Variants in AATF observed in about 807,000 individuals in gnomAD.
The protein encoded by AATF is apoptosis antagonizing transcription factor.
A neutral mutation model predicts 63.7 loss-of-function variants in AATF; 48 were observed. The ratio of observed to expected loss-of-function variants is 0.75; its 90% CI spans 0.60 to 0.96. The LOEUF is 0.96. Ranked by LOEUF, AATF falls within the 40% of genes least tolerant of loss-of-function variation. The pLI is 0.00. For synonymous variants in AATF, 258 were observed against 247.7 expected (o/e 1.04, Z -0.39); for missense variants, 639 against 685.7 (o/e 0.93, Z 0.76).
At chr17:36,956,699 G>A (rs576077380) in intron 4 of AATF, among the ~76,000 whole-genome samples, 5 of 151,940 alleles carry the variant, frequency 3.3e-5, no homozygotes, top group East Asian at 1.9e-4. Context: ...GTTCTTGGCC[G>A]GGCACGGTGG....
chr17:37,010,676 T>C (rs1452095085), intron 8 of AATF, among the ~76,000 whole-genome samples: 1 of 152,102 alleles, frequency 6.6e-6, no homozygotes, highest in Non-Finnish European at 1.5e-5. Context: ...TGAGTGCAGC[T>C]GTGGTTAAGA....
intron 11 of AATF, among the ~76,000 whole-genome samples, chr17:37,036,163 G>T (rs17621163): frequency 6.6e-6 from 1 of 151,998 alleles, no homozygotes; most frequent in African/African-American, 2.4e-5. Flanking sequence ...AGGCACCTCC[G>T]CTTATGGTTC....
At chr17:36,950,100 T>G (rs1287701247) in intron 1 of AATF, 114 bp from the exon 2 acceptor site, 14 of 1,127,664 alleles carry the variant, frequency 1.2e-5, no homozygotes, top group Non-Finnish European at 1.8e-5. Flanking sequence ...TCCTGGAAGT[T>G]GGTGGGGATT....
chr17:36,968,520 C>A lies in AATF; in HGVS notation c.832+14613C>A, dbSNP rs375600391. On this transcript the variant is annotated intron_variant, in intron 4 of 11. Transcript: ENST00000619387. ...TAAATTCCTGAGCTTAGGTGATCTA[C>A]CTGCCTTGACTTCTCAAAGCACTGG... Among the ~76,000 whole-genome samples the A allele has an allele frequency of 4.0e-5, 6 of 151,610 alleles. No individual in the cohort carries two copies. The East Asian group carries it at 9.7e-4, about 24-fold the overall frequency.
At chr17:36,957,007 T>G (rs2142207013) in intron 4 of AATF, among the ~76,000 whole-genome samples, 1 of 151,270 alleles carries the variant, frequency 6.6e-6, no homozygotes, top group African/African-American at 2.4e-5. Context: ...AGAGAGAAAA[T>G]TCTTGAGCAC....
At position 36,988,537 on chromosome 17, in the gene AATF, A is replaced by T. The variant is rs2071186650; in HGVS notation, c.966A>T (p.Glu322Asp). ...PNAGSEEISSEDDELVEEKKQ... is the reference protein window; with the variant it reads ...PNAGSEEISSDDDELVEEKKQ... Reference sequence around the variant, plus strand: ...TTTCTAGTGAGGAGATTTCTAGTGAAGATGATGAGCTGGTAGAAGAGAAGA... The same window carrying T: ...TTTCTAGTGAGGAGATTTCTAGTGATGATGATGAGCTGGTAGAAGAGAAGA... The change falls in exon 6 of 12, where the codon GAA (glutamate) becomes GAT (aspartate). Residue 322 changes from glutamate (E) to aspartate (D), a missense_variant. Transcript: ENST00000619387. 1.9e-6 allele frequency: 3 copies of T among 1,614,086 alleles called. No individual in the cohort carries two copies. In the East Asian group the frequency reaches 6.7e-5, roughly 36 times the overall value.
At chr17:36,979,489 T>G (rs886931324) in intron 4 of AATF, among the ~76,000 whole-genome samples, 20 of 152,272 alleles carry the variant, frequency 1.3e-4, no homozygotes, top group Non-Finnish European at 2.5e-4. Context: ...TCGTGTGTCA[T>G]TTTGACCTAT....
At chr17:36,970,852 G>A (rs564418771) in intron 4 of AATF, among the ~76,000 whole-genome samples, 1 of 151,948 alleles carries the variant, frequency 6.6e-6, no homozygotes, top group Non-Finnish European at 1.5e-5. Flanking sequence ...TTCAACAAAT[G>A]GTGCTGGGAC....
chr17:36,959,288 C>T (rs117223786), intron 4 of AATF, among the ~76,000 whole-genome samples: 2 of 152,150 alleles, frequency 1.3e-5, no homozygotes, highest in Non-Finnish European at 1.5e-5. Flanking sequence ...TACAAAAGTA[C>T]AAAAATTAGC....
intron 4 of AATF, among the ~76,000 whole-genome samples, chr17:36,974,171 T>C (rs995895833): frequency 6.6e-6 from 1 of 152,212 alleles, no homozygotes; most frequent in Non-Finnish European, 1.5e-5. Context: ...AATATTTTGG[T>C]ACATGGTAAA....
At chr17:36,992,159 G>C (rs1168873207) in intron 8 of AATF, among the ~76,000 whole-genome samples, 1 of 152,208 alleles carries the variant, frequency 6.6e-6, no homozygotes, top group Non-Finnish European at 1.5e-5. Context: ...TATAGAACAA[G>C]TGATTTTATA....
Position 36,989,312 on chromosome 17 carries a change from A to G in AATF, c.1215A>G (p.Arg405=). Residue 405 remains arginine (R), a synonymous_variant, in exon 7 of 12, where the codon AGA becomes AGG. Transcript: ENST00000619387. Reference sequence around the variant, plus strand: ...ACCATATTCTGATGGACAAAGAGAGATTACTTCGAAGGACACAGACCAAGC... The same window carrying G: ...ACCATATTCTGATGGACAAAGAGAGGTTACTTCGAAGGACACAGACCAAGC... ...QIDHILMDKE[R]LLRRTQTKRS... is the part of the protein sequence containing the mutation. The G allele has an allele frequency of 6.2e-7, 1 of 1,614,062 alleles. No individual in the cohort carries two copies. The highest frequency in any genetic ancestry group is 8.5e-7 in the Non-Finnish European group (1 of 1,180,006).
chr17:37,052,186 A>C (rs2071758066), intron 11 of AATF: 1 of 152,154 alleles, frequency 6.6e-6, no homozygotes, highest in African/African-American at 2.4e-5. Flanking sequence ...AGCAGGAATT[A>C]TGTGTTTTTT....
intron 8 of AATF, among the ~76,000 whole-genome samples, chr17:37,000,956 C>G (rs1286126716): frequency 6.6e-6 from 1 of 151,746 alleles, no homozygotes; most frequent in Non-Finnish European, 1.5e-5. Context: ...TGTCTCTTAC[C>G]CACCTCCCAC....
chr17:36,988,803 A>G, intron 6 of AATF, 83 bp downstream of exon 6: 4 of 1,284,470 alleles, frequency 3.1e-6, no homozygotes, highest in Non-Finnish European at 4.4e-6. Context: ...ACTACAGCTC[A>G]TTTATATGGA....
chr17:36,991,374 G>T (rs1037603914), intron 8 of AATF, among the ~76,000 whole-genome samples: 3 of 152,146 alleles, frequency 2.0e-5, no homozygotes, highest in Non-Finnish European at 4.4e-5. Context: ...AGAGCATAGT[G>T]CTTTTGAAGA....
intron 11 of AATF, among the ~76,000 whole-genome samples, chr17:37,039,135 G>A (rs1204117480): frequency 6.6e-6 from 1 of 152,138 alleles, no homozygotes; most frequent in Non-Finnish European, 1.5e-5. Flanking sequence ...ATAGGAATAT[G>A]CACTGAATCA....
At chr17:36,990,695 C>A in intron 7 of AATF, 79 bp from the exon 8 acceptor site, 2 of 875,818 alleles carry the variant, frequency 2.3e-6, no homozygotes, top group Non-Finnish European at 1.8e-6. Flanking sequence ...TTTGACTGTT[C>A]TACATATTAT....
chr17:36,955,481 A>G (rs923870499), intron 4 of AATF, among the ~76,000 whole-genome samples: 30 of 152,182 alleles, frequency 2.0e-4, no homozygotes, highest in African/African-American at 7.0e-4. Flanking sequence ...TCTCTCAAAT[A>G]GATGACAGAT....
Sources: gnomAD v4.1 joint callset for allele counts (sites outside exome capture counted in the v4.1 genomes callset) on GRCh38, gnomAD v4.1.1 for gene constraint, MANE v1.5 for transcripts, NCBI Gene and HGNC (gene_info 2026-07-23, HGNC 2026-07-21) for gene names.